Variants in ARMC9 observed in about 807,000 individuals in gnomAD.
ARMC9 encodes armadillo repeat containing 9.
A neutral mutation model predicts 107.0 loss-of-function variants in ARMC9; 94 were observed. The observed-to-expected ratio is 0.88, with a 90% CI of 0.74 to 1.04. The LOEUF is 1.04. ARMC9 is among the 50% of genes least tolerant of loss of function. The probability of loss-of-function intolerance (pLI) is 0.00; values close to 1 mark genes in which losing one functional copy is unlikely to be tolerated. For synonymous variants in ARMC9, 380 were observed against 396.9 expected, an observed-to-expected ratio of 0.96 and a Z score of 0.51; for missense variants, 942 against 1,030.1, an observed-to-expected ratio of 0.91 and a Z score of 1.17.
chr2:231,279,372 C>T (rs1024851145), intron 16 of ARMC9, among the ~76,000 whole-genome samples: 5 of 152,134 alleles, frequency 3.3e-5, no homozygotes, highest in African/African-American at 7.2e-5. Context: ...GCAGAAACCA[C>T]GGCAAAGCTT....
chr2:231,274,262 C>T (rs1164715214), intron 14 of ARMC9, among the ~76,000 whole-genome samples: 1 of 152,054 alleles, frequency 6.6e-6, no homozygotes, highest in Admixed American at 6.6e-5. Flanking sequence ...GGATTACAGG[C>T]GCACACCACC....
chr2:231,282,606 T>C (rs1473719189), intron 17 of ARMC9, among the ~76,000 whole-genome samples: 1 of 152,278 alleles, frequency 6.6e-6, no homozygotes, highest in Non-Finnish European at 1.5e-5. Context: ...GTCTTTTTTC[T>C]TTCTACCATG....
At chr2:231,340,941 G>T (rs1013162607) in intron 20 of ARMC9, among the ~76,000 whole-genome samples, 2 of 151,188 alleles carry the variant, frequency 1.3e-5, no homozygotes, top group Non-Finnish European at 3.0e-5. Context: ...ATGGTGGCTC[G>T]TGTGTAATCC....
intron 1 of ARMC9, among the ~76,000 whole-genome samples, chr2:231,199,987 T>C (rs953817163): frequency 1.3e-5 from 2 of 152,168 alleles, no homozygotes; most frequent in African/African-American, 4.8e-5. Flanking sequence ...TGTGAGCCAC[T>C]GTGCCTGGCC....
intron 7 of ARMC9, among the ~76,000 whole-genome samples, chr2:231,233,781 A>T (rs1368372721): frequency 6.6e-6 from 1 of 152,158 alleles, no homozygotes; most frequent in Non-Finnish European, 1.5e-5. Flanking sequence ...CATCTCAAAA[A>T]AAAAAAAAGT....
At chr2:231,230,444 T>C (rs1374535463) in intron 7 of ARMC9, among the ~76,000 whole-genome samples, 2 of 152,086 alleles carry the variant, frequency 1.3e-5, no homozygotes, top group Non-Finnish European at 2.9e-5. Flanking sequence ...ACAGGGAAAA[T>C]AGAAAGTCCT....
At chr2:231,316,987 T>G (rs965229550) in intron 19 of ARMC9, among the ~76,000 whole-genome samples, 1 of 151,922 alleles carries the variant, frequency 6.6e-6, no homozygotes, top group Non-Finnish European at 1.5e-5. Flanking sequence ...GGTCTCAAAC[T>G]GCGCCCAGCC....
chr2:231,357,966 C>T (rs2045409867), intron 22 of ARMC9, among the ~76,000 whole-genome samples: 1 of 152,192 alleles, frequency 6.6e-6, no homozygotes, highest in Non-Finnish European at 1.5e-5. Context: ...CATGAGTAAG[C>T]CTTTGCCACG....
intron 12 of ARMC9, among the ~76,000 whole-genome samples, chr2:231,269,882 CT>C (rs1224904957): frequency 6.1e-5 from 9 of 148,254 alleles, no homozygotes; most frequent in African/African-American, 1.5e-4. Flanking sequence ...CCCTCCCCCC[CT>C]ATTTGTTTTG....
chr2:231,344,787 G>T lies in ARMC9; in HGVS notation c.1879-188G>T, dbSNP rs553387568. The stretch of plus-strand genomic sequence containing the variant: ...TGCTAAATGGTGTGATACACAAACC[G>T]TTAGCAAAAAAAGGGTTTTTCCCCA... On this transcript the variant is annotated intron_variant, in intron 20 of 24. Coordinates refer to ENST00000611582, the MANE Select transcript of ARMC9 (RefSeq NM_001352754.2). 4.4e-3 allele frequency among the ~76,000 whole-genome samples: 674 copies of T among 152,080 alleles called. 3 individuals carry two copies. The highest frequency in any genetic ancestry group is 0.016 in the African/African-American group (646 of 41,486).
intron 21 of ARMC9, among the ~76,000 whole-genome samples, chr2:231,349,360 TTAAACAATC>T (rs1385697284): frequency 9.9e-5 from 15 of 152,248 alleles, no homozygotes; most frequent in Admixed American, 4.6e-4. Flanking sequence ...TCCCACTTAC[TTAAACAATC>T]TAAACAATTG....
At chr2:231,367,706 G>T (rs2045871780) in intron 23 of ARMC9, among the ~76,000 whole-genome samples, 1 of 152,120 alleles carries the variant, frequency 6.6e-6, no homozygotes, top group African/African-American at 2.4e-5. Context: ...TAACTGGCCG[G>T]GCGCGGTGGC....
chr2:231,369,829 G>A (rs1306904329), intron 23 of ARMC9, 124 bp from the exon 24 acceptor site: 3 of 1,060,162 alleles, frequency 2.8e-6, no homozygotes, highest in African/African-American at 3.3e-5. Context: ...CCTGACTTCA[G>A]GTGATTTGTC....
At position 231,271,032 on chromosome 2, in the gene ARMC9, C is replaced by T. The variant is rs1455053668; in HGVS notation, c.1170C>T (p.Tyr390=). The part of the protein sequence containing the change: ...LHSTSDVVRQ[Y]MARLINAFAS... ...CCACGAGCGACGTGGTGCGGCAGTA[C>T]ATGGCCAGGCTCATCAATGCTTTTG... The change falls in exon 13 of 25, where the codon TAC becomes TAT. Residue 390 remains tyrosine (Y), a synonymous_variant. Transcript: ENST00000611582. 3.1e-6 allele frequency: 5 copies of T among 1,614,170 alleles called. No individual in the cohort carries two copies. Among genetic ancestry groups the T allele is most frequent in the South Asian group, 2.2e-5 (2 of 91,086 alleles).
rs566608792 is a variant in ARMC9, at chr2:231,278,688, G to T, written c.1551+230G>T. Among the ~76,000 whole-genome samples, 4 of 152,242 alleles carry T rather than the reference G, an allele frequency of 2.6e-5. No individual in the cohort carries two copies. In the South Asian group the frequency reaches 8.3e-4, roughly 32 times the overall value. On this transcript the variant is annotated intron_variant, in intron 16 of 24. Coordinates refer to ENST00000611582, the MANE Select transcript of ARMC9 (RefSeq NM_001352754.2). The stretch of plus-strand genomic sequence containing the variant: ...TCCGTCCCTGTCTGCTTGGCCCACT[G>T]GCCTGTGCCGGGCCCCTCCGGCATT...
rs765083908 is a variant in ARMC9 at position 231,235,265 on chromosome 2, C to G, written c.664C>G (p.Arg222Gly). Residue 222 changes from arginine (R) to glycine (G), a missense_variant, in exon 8 of 25, where the codon CGT (arginine) becomes GGT (glycine). Coordinates refer to ENST00000611582, the MANE Select transcript of ARMC9 (RefSeq NM_001352754.2). ...QLHQQLVEAE[R>G]RSVTYLKRYN... ...CCACCAGCAGCTGGTTGAAGCTGAA[C>G]GTAGGTCAGTGACATACCTCAAACG... 3 of 1,613,952 alleles carry G rather than the reference C, an allele frequency of 1.9e-6. No homozygotes were observed. The highest frequency in any genetic ancestry group is 2.5e-6 in the Non-Finnish European group (3 of 1,179,994).
intron 3 of ARMC9, among the ~76,000 whole-genome samples, chr2:231,211,358 TA>T (rs773845468): frequency 0.023 from 3,021 of 130,898 alleles, 27 homozygotes; most frequent in African/African-American, 0.04. Flanking sequence ...CCGCCTCTAC[TA>T]AAAAAAAAAA....
intron 3 of ARMC9, among the ~76,000 whole-genome samples, chr2:231,210,922 C>A (rs1021670747): frequency 6.6e-6 from 1 of 152,170 alleles, no homozygotes; most frequent in African/African-American, 2.4e-5. Flanking sequence ...TTATCCTCCC[C>A]CTAGGCCTTG....
chr2:231,246,858 C>T (rs1189072403), intron 9 of ARMC9, among the ~76,000 whole-genome samples: 1 of 152,070 alleles, frequency 6.6e-6, no homozygotes, highest in Non-Finnish European at 1.5e-5. Context: ...TGCTTTGTCG[C>T]CCAGGCTCAC....
Sources: allele counts gnomAD v4.1 joint callset (sites outside exome capture counted in the v4.1 genomes callset), GRCh38; gene constraint gnomAD v4.1.1; transcripts MANE v1.5; gene names NCBI Gene and HGNC (gene_info 2026-07-23, HGNC 2026-07-21).